The following PRKDC variants were observed in gnomAD, a reference collection of about 807,000 sequenced individuals.
PRKDC encodes DNA-dependent protein kinase catalytic subunit.
Under a neutral mutation model 486.9 loss-of-function variants are expected in PRKDC, and 82 were observed. The observed-to-expected ratio is 0.17, with a 90% confidence interval of 0.14 to 0.20. The LOEUF (loss-of-function observed/expected upper bound fraction) is 0.20. Ranked by LOEUF, PRKDC falls within the 10% of genes least tolerant of loss-of-function variation. The pLI is 1.00. For synonymous variants in PRKDC, 1,895 were observed against 1,837.0 expected, an observed-to-expected ratio of 1.03 and a Z score of -0.81; for missense variants, 4,504 against 5,038.2, an observed-to-expected ratio of 0.89 and a Z score of 3.21.
At chr8:47,958,230 G>A (rs971254355) in intron 1 of PRKDC, among the ~76,000 whole-genome samples, 1 of 152,180 alleles carries the variant, frequency 6.6e-6, no homozygotes, top group Non-Finnish European at 1.5e-5. Context: ...ACCAAGGGAA[G>A]GGAGCTGTGA....
chr8:47,954,328 T>A lies in PRKDC; in HGVS notation c.508+10A>T. 9.3e-7 allele frequency: 1 copy of A among 1,073,664 alleles called. No homozygotes were observed. Among genetic ancestry groups the A allele is most frequent in the Middle Eastern group, 2.2e-4 (1 of 4,502 alleles). 66.5% of individuals were successfully genotyped at this position (1,073,664 alleles called of 1,614,324 possible). A position where few individuals can be genotyped will look rare whatever the true frequency, so the allele number is the denominator to read the frequency against. On this transcript the variant is annotated intron_variant, in intron 5 of 85. Transcript: ENST00000314191. ...AAACTATTTGAAAATAACATGTAAA[T>A]GCATCTCACCTGTATCTGGTATTTT...
chr8:47,847,892 T>TATAC (rs2088308284), intron 54 of PRKDC, among the ~76,000 whole-genome samples: 1 of 151,112 alleles, frequency 6.6e-6, no homozygotes, highest in Non-Finnish European at 1.5e-5. Flanking sequence ...TATATATATA[T>TATAC]ATATAAAAGT....
At chr8:47,844,730 A>C (rs2088228457) in intron 54 of PRKDC, among the ~76,000 whole-genome samples, 1 of 152,222 alleles carries the variant, frequency 6.6e-6, no homozygotes, top group Non-Finnish European at 1.5e-5. Context: ...ATCAATACCA[A>C]GACCTCTCAA....
At chr8:47,868,700 A>G (rs998766159) in intron 40 of PRKDC, among the ~76,000 whole-genome samples, 12 of 152,228 alleles carry the variant, frequency 7.9e-5, no homozygotes, top group African/African-American at 2.7e-4. Context: ...AAGCACTTTC[A>G]TAAGAACCAA....
In PRKDC at chr8:47,837,303, A is replaced by G. The variant is rs1187336013; in HGVS notation, c.7670T>C (p.Leu2557Ser). 10 of 1,613,738 alleles carry G rather than the reference A, an allele frequency of 6.2e-6. No homozygotes were observed. The highest frequency in any genetic ancestry group is 1.7e-5 in the Admixed American group (1 of 60,004). ...SPKIEVHFLS[L>S]ATNFLLEMTS... ...CATTTCGAGCAGAAAATTTGTTGCT[A>G]AACTTAAAAAGTGCACTTCTATCTT... Residue 2557 changes from leucine (L) to serine (S), a missense_variant, in exon 57 of 86, where the codon TTA becomes TCA. By Grantham distance (145) the Leu-to-Ser change is moderately radical. This residue lies in a region of PRKDC where 1,592 missense variants were observed against 1,724.6 expected (regional missense o/e 0.92). Transcript: ENST00000314191.
In PRKDC at chr8:47,929,103, A is replaced by G. The variant is rs1429059131; in HGVS notation, c.2128T>C (p.Phe710Leu). Reference sequence around the variant, plus strand: ...CATTTAAAAATTACCTCTTTGCCAAATTTCACAAATAAAGCAAAGCAAGAA... The same window carrying G: ...CATTTAAAAATTACCTCTTTGCCAAGTTTCACAAATAAAGCAAAGCAAGAA... The part of the protein sequence containing the change: ...KYSCFALFVK[F>L]GKEVAVKMKQ... The change falls in exon 19 of 86, where the codon TTT (phenylalanine) becomes CTT (leucine). Residue 710 changes from phenylalanine to leucine, a missense_variant. By Grantham distance (22) the Phe-to-Leu change is conservative. This residue lies in a region of PRKDC where 1,969 missense variants were observed against 2,068.9 expected (regional missense o/e 0.95). Transcript: ENST00000314191. The G allele has an allele frequency of 6.4e-7, 1 of 1,564,648 alleles. No homozygotes were observed. Among genetic ancestry groups the G allele is most frequent in the Non-Finnish European group, 8.7e-7 (1 of 1,151,600 alleles).
chr8:47,817,098 T>C (rs2087463639), intron 68 of PRKDC, among the ~76,000 whole-genome samples: 1 of 152,098 alleles, frequency 6.6e-6, no homozygotes, highest in Non-Finnish European at 1.5e-5. Context: ...TTATAAAAAA[T>C]AGGATAATAA....
intron 39 of PRKDC, 147 bp downstream of exon 39, chr8:47,879,344 T>C: frequency 1.4e-6 from 1 of 697,340 alleles, no homozygotes; most frequent in Non-Finnish European, 2.3e-6. Flanking sequence ...TGTACAAGCT[T>C]TGTGTAGAAA....
chr8:47,843,621 G>C (rs149126653), intron 54 of PRKDC, among the ~76,000 whole-genome samples: 1 of 152,096 alleles, frequency 6.6e-6, no homozygotes, highest in African/African-American at 2.4e-5. Flanking sequence ...CGATGTGAAA[G>C]AAAAAATTTT....
At chr8:47,894,578 G>A (rs373460427) in intron 30 of PRKDC, among the ~76,000 whole-genome samples, 6 of 152,116 alleles carry the variant, frequency 3.9e-5, no homozygotes, top group Admixed American at 2.0e-4. Context: ...GGTCTCCACC[G>A]AGGACCTGCT....
chr8:47,895,896 G>A (rs536254220), intron 30 of PRKDC, among the ~76,000 whole-genome samples: 8 of 152,088 alleles, frequency 5.3e-5, no homozygotes, highest in Admixed American at 3.3e-4. Flanking sequence ...AAAATTAGCC[G>A]GGCGTGGTAG....
chr8:47,945,445 CTT>C lies in PRKDC; in HGVS notation c.722-1418_722-1417del, dbSNP rs552625908. Among the ~76,000 whole-genome samples the C allele has an allele frequency of 1.2e-4, 18 of 152,304 alleles. No individual in the cohort carries two copies. The South Asian group carries it at 2.9e-3, about 25-fold the overall frequency. ...CCCAGCCCCAGTAACCTCTATTTTA[CTT>C]TGTCTCTGTGAATCTGACTACTCTA... On this transcript the variant is annotated intron_variant, in intron 7 of 85. Transcript: ENST00000314191.
At chr8:47,886,756 TG>T (rs1254256914) in intron 35 of PRKDC, among the ~76,000 whole-genome samples, 2 of 152,166 alleles carry the variant, frequency 1.3e-5, no homozygotes, top group Admixed American at 1.3e-4. Context: ...GGCATGATCA[TG>T]ACTCACTACA....
rs148358416 is a variant in PRKDC, at chr8:47,938,716, C to G, written c.1113+835G>C. Among the ~76,000 whole-genome samples the G allele has an allele frequency of 6.7e-3, 1,012 of 152,172 alleles. 6 individuals carry two copies. The highest frequency in any genetic ancestry group is 0.011 in the Non-Finnish European group (761 of 68,000). On this transcript the variant is annotated intron_variant, in intron 11 of 85. Coordinates refer to ENST00000314191, the MANE Select transcript of PRKDC (RefSeq NM_006904.7). ...AGTTGGGATTACAGGTATGTGCTAC[C>G]ATGCCCGGCTAATTTTTGTATTTTT...
chr8:47,923,372 T>TG (rs1431806077), intron 21 of PRKDC, among the ~76,000 whole-genome samples: 1 of 152,186 alleles, frequency 6.6e-6, no homozygotes, highest in Non-Finnish European at 1.5e-5. Flanking sequence ...CTATGTAATC[T>TG]GCCAAGACAG....
chr8:47,878,695 TA>T (rs2089141762), intron 39 of PRKDC, among the ~76,000 whole-genome samples: 1 of 152,230 alleles, frequency 6.6e-6, no homozygotes, highest in South Asian at 2.1e-4. Context: ...AAGTATGTTT[TA>T]TTTAAATTTT....
At position 47,773,258 on chromosome 8, in the gene PRKDC, G is replaced by T. The variant is rs981065908; in HGVS notation, c.*915C>A. 3.5e-5 allele frequency: 8 copies of T among 228,026 alleles called. No homozygotes were observed. The highest frequency in any genetic ancestry group is 1.8e-4 in the African/African-American group (8 of 44,954). 14.1% of individuals were successfully genotyped at this position (228,026 alleles called of 1,614,324 possible). On this transcript the variant is annotated 3_prime_UTR_variant, in exon 86 of 86. Transcript: ENST00000314191. Reference sequence around the variant, plus strand: ...AGTTTGGGTGTGGAGGACTGGCGGGGGGGGACAGGGACTGCACATGGGAAG... The same window carrying T: ...AGTTTGGGTGTGGAGGACTGGCGGGTGGGGACAGGGACTGCACATGGGAAG...
rs8178225 is a variant in PRKDC at position 47,799,296 on chromosome 8, C to T, written c.10211G>A (p.Gly3404Glu). ...AGCATCAATCACCCCAGCTGCAGGC[C>T]CACAGCTCCAGGAGGGAGGCTGGGC... ...EEAQPPSWSC[G>E]PAAGVIDAYM... The change falls in exon 72 of 86, where the codon GGG becomes GAG. Residue 3404 changes from glycine to glutamate, a missense_variant. Gly to Glu is a moderately conservative substitution (Grantham distance 98, BLOSUM62 -2). Coordinates refer to ENST00000314191, the MANE Select transcript of PRKDC (RefSeq NM_006904.7). 0.015 allele frequency: 23,615 copies of T among 1,613,624 alleles called. 230 individuals carry two copies. The highest frequency in any genetic ancestry group is 0.017 in the Non-Finnish European group (20,450 of 1,179,882).
At chr8:47,929,662 G>C (rs1456363440) in intron 18 of PRKDC, among the ~76,000 whole-genome samples, 191 bp downstream of exon 18, 1 of 152,116 alleles carries the variant, frequency 6.6e-6, no homozygotes, top group Non-Finnish European at 1.5e-5. Context: ...TTGAGCATCA[G>C]GGCAAAAAAT....
Sources: allele counts gnomAD v4.1 joint callset (sites outside exome capture counted in the v4.1 genomes callset), GRCh38; gene constraint gnomAD v4.1.1; regional missense constraint gnomAD v4.1.1; transcripts MANE v1.5; gene names NCBI Gene and HGNC (gene_info 2026-07-23, HGNC 2026-07-21).